The following DGKI variants were observed in gnomAD, a reference collection of about 807,000 sequenced individuals.
DGKI encodes diacylglycerol kinase iota.
A neutral mutation model predicts 147.5 loss-of-function variants in DGKI; 55 were observed. The observed-to-expected ratio is 0.37, with a 90% CI of 0.30 to 0.47. The LOEUF (loss-of-function observed/expected upper bound fraction) is 0.47. Ranked by LOEUF, DGKI falls within the 20% of genes least tolerant of loss-of-function variation. DGKI has a pLI of 1.00. For missense variants in DGKI, 1,007 were observed against 1,323.8 expected (o/e 0.76, Z 3.71); for synonymous variants, 469 against 477.1 (o/e 0.98, Z 0.22).
chr7:137,670,235 G>A (rs1015387079), intron 3 of DGKI, among the ~76,000 whole-genome samples: 1 of 151,918 alleles, frequency 6.6e-6, no homozygotes, highest in African/African-American at 2.4e-5. Context: ...ATTGATCCAG[G>A]GTCACCTAGA....
chr7:137,400,024 C>T (rs1193425722), intron 30 of DGKI, among the ~76,000 whole-genome samples: 1 of 152,152 alleles, frequency 6.6e-6, no homozygotes, highest in Non-Finnish European at 1.5e-5. Flanking sequence ...GTGTCCTATT[C>T]TCTGTCCTGA....
intron 1 of DGKI, among the ~76,000 whole-genome samples, chr7:137,802,142 T>A (rs902931266): frequency 1.1e-4 from 16 of 152,094 alleles, no homozygotes; most frequent in African/African-American, 3.9e-4. Flanking sequence ...TAACTCAGGA[T>A]TGGAAAACCA....
At chr7:137,720,248 ATC>A (rs1794505012) in intron 1 of DGKI, among the ~76,000 whole-genome samples, 1 of 106,296 alleles carries the variant, frequency 9.4e-6, no homozygotes, top group East Asian at 2.4e-4. Context: ...ACTTGAAAAA[ATC>A]TTTTTTTTTT....
chr7:137,702,749 G>A (rs148833884), intron 1 of DGKI, among the ~76,000 whole-genome samples: 20 of 152,230 alleles, frequency 1.3e-4, no homozygotes, highest in South Asian at 4.2e-4. Flanking sequence ...GACAACTGTC[G>A]TAATGTGCCA....
chr7:137,453,480 C>A (rs1814058163), intron 27 of DGKI, among the ~76,000 whole-genome samples: 1 of 152,172 alleles, frequency 6.6e-6, no homozygotes, highest in Non-Finnish European at 1.5e-5. Flanking sequence ...GCTTTTGGTC[C>A]TTCTAATTGT....
chr7:137,571,821 G>C (rs1818803001), intron 18 of DGKI, among the ~76,000 whole-genome samples: 2 of 151,908 alleles, frequency 1.3e-5, no homozygotes, highest in Non-Finnish European at 2.9e-5. Flanking sequence ...AGAGGAAGAA[G>C]AATACAGATG....
intron 28 of DGKI, among the ~76,000 whole-genome samples, chr7:137,429,626 A>T (rs1360545692): frequency 6.6e-6 from 1 of 151,960 alleles, no homozygotes; most frequent in African/African-American, 2.4e-5. Flanking sequence ...AACCTACAAA[A>T]TGGGAGAAAA....
At chr7:137,503,777 T>C (rs1432334573) in intron 21 of DGKI, among the ~76,000 whole-genome samples, 2 of 152,152 alleles carry the variant, frequency 1.3e-5, no homozygotes, top group Non-Finnish European at 2.9e-5. Flanking sequence ...TCATATTATC[T>C]ACCCCACTGG....
chr7:137,453,492 A>C (rs1343590857), intron 27 of DGKI, among the ~76,000 whole-genome samples: 1 of 152,210 alleles, frequency 6.6e-6, no homozygotes, highest in Admixed American at 6.5e-5. Context: ...TCTAATTGTG[A>C]ATATTTCTCT....
intron 1 of DGKI, among the ~76,000 whole-genome samples, chr7:137,694,733 A>G (rs886560509): frequency 1.3e-5 from 2 of 152,168 alleles, no homozygotes; most frequent in African/African-American, 4.8e-5. Context: ...CTTATACCAT[A>G]TGGGCACTAA....
intron 28 of DGKI, among the ~76,000 whole-genome samples, chr7:137,413,265 CAAAAAAAAAAAAA>C (rs35856159): frequency 3.2e-5 from 3 of 92,630 alleles, no homozygotes; most frequent in African/African-American, 7.5e-5. Flanking sequence ...GACTCCATCT[CAAAAAAAAAAAAA>C]AAAAAAAAAT....
At chr7:137,442,448 G>A (rs1813548217) in intron 28 of DGKI, among the ~76,000 whole-genome samples, 3 of 152,088 alleles carry the variant, frequency 2.0e-5, no homozygotes, top group African/African-American at 7.2e-5. Flanking sequence ...AGACAGGAAG[G>A]CAAAGACAAC....
chr7:137,617,941 T>C (rs1206797244), intron 8 of DGKI, among the ~76,000 whole-genome samples: 1 of 150,806 alleles, frequency 6.6e-6, no homozygotes, highest in African/African-American at 2.4e-5. Context: ...ATAACCTTTT[T>C]CTTCATTTGC....
At chr7:137,449,558 C>T (rs566981356) in intron 27 of DGKI, among the ~76,000 whole-genome samples, 13 of 152,236 alleles carry the variant, frequency 8.5e-5, no homozygotes, top group South Asian at 4.1e-4. Flanking sequence ...AAAAGCTCCA[C>T]GACATCGGTC....
intron 23 of DGKI, among the ~76,000 whole-genome samples, chr7:137,481,959 A>T (rs546040636): frequency 6.6e-6 from 1 of 152,186 alleles, no homozygotes; most frequent in African/African-American, 2.4e-5. Flanking sequence ...ATTAACAGGC[A>T]TTTAAGGCAT....
chr7:137,406,814 C>G (rs754398015), intron 30 of DGKI, among the ~76,000 whole-genome samples: 11 of 151,412 alleles, frequency 7.3e-5, no homozygotes, highest in Non-Finnish European at 1.6e-4. Flanking sequence ...AAAACAGTGA[C>G]TGTATTTTAT....
rs1329309890 is a variant in DGKI, at chr7:137,635,056, G to A, written c.804+10416C>T. Among the ~76,000 whole-genome samples the A allele has an allele frequency of 2.0e-5, 3 of 152,286 alleles. No individual in the cohort carries two copies. The East Asian group carries it at 5.8e-4, about 29-fold the overall frequency. The stretch of plus-strand genomic sequence containing the variant: ...GGACATATGAAAGTAAGTACAAAGA[G>A]TGAAGATTATTGCACATTAATTCCT... On this transcript the variant is annotated intron_variant, in intron 6 of 32. Coordinates refer to ENST00000614521, the MANE Select transcript of DGKI (RefSeq NM_001321708.2).
chr7:137,587,017 CT>C, intron 13 of DGKI, 79 bp downstream of exon 13: 1 of 1,052,242 alleles, frequency 9.5e-7, no homozygotes, highest in Non-Finnish European at 1.3e-6. Flanking sequence ...CAGTACCCCC[CT>C]CTTCCATTAG....
rs192074714 is a variant in DGKI, at chr7:137,406,962, T to A, written c.2920+913A>T. Among the ~76,000 whole-genome samples, 8 of 101,838 alleles carry A rather than the reference T, an allele frequency of 7.9e-5. No homozygotes were observed. The East Asian group carries it at 1.3e-3, about 16-fold the overall frequency. The allele number at this position is 101,838 out of a possible 152,430, so 66.8% of individuals were successfully genotyped here. A position where few individuals can be genotyped will look rare whatever the true frequency, so the allele number is the denominator to read the frequency against. On this transcript the variant is annotated intron_variant, in intron 30 of 32. Coordinates refer to ENST00000614521, the MANE Select transcript of DGKI (RefSeq NM_001321708.2). ...AAAAAAAAAAAAGGAGCAAAAAGGA[T>A]GTGAATGTTTATGAGTATGCTTACT...
Sources: allele counts gnomAD v4.1 joint callset (sites outside exome capture counted in the v4.1 genomes callset), GRCh38; gene constraint gnomAD v4.1.1; transcripts MANE v1.5; gene names NCBI Gene and HGNC (gene_info 2026-07-23, HGNC 2026-07-21).